Variants in UGT8 observed in about 807,000 individuals in gnomAD.
The protein encoded by UGT8 is UDP glycosyltransferase 8, also known as 2-hydroxyacylsphingosine 1-beta-galactosyltransferase.
In UGT8, 12 loss-of-function variants were observed where a neutral mutation model predicts 40.5. That is an observed-to-expected ratio of 0.30 (90% CI 0.19 to 0.48). The LOEUF (loss-of-function observed/expected upper bound fraction) is 0.48, where lower values mean the gene tolerates loss of function less well. Ranked by LOEUF, UGT8 falls within the 20% of genes least tolerant of loss-of-function variation. The pLI, the probability that UGT8 is intolerant of heterozygous loss-of-function variation, is 0.99. For missense variants in UGT8, 513 were observed against 648.7 expected, an observed-to-expected ratio of 0.79 and a Z score of 2.27; for synonymous variants, 224 against 240.4, an observed-to-expected ratio of 0.93 and a Z score of 0.63.
At chr4:114,646,795 TA>T (rs1234852876) in intron 2 of UGT8, among the ~76,000 whole-genome samples, 1 of 152,200 alleles carries the variant, frequency 6.6e-6, no homozygotes, top group African/African-American at 2.4e-5. Context: ...GAAATGACAA[TA>T]TTTTTTGTTT....
chr4:114,657,967 C>T (rs1222245109), intron 2 of UGT8, among the ~76,000 whole-genome samples: 1 of 152,104 alleles, frequency 6.6e-6, no homozygotes, highest in Non-Finnish European at 1.5e-5. Flanking sequence ...CCAAACAAAT[C>T]AGTGAAAACA....
At chr4:114,630,890 G>A (rs1337608953) in intron 2 of UGT8, among the ~76,000 whole-genome samples, 5 of 152,074 alleles carry the variant, frequency 3.3e-5, no homozygotes. Context: ...CCCCTCTTCT[G>A]CTGGCTCCAC....
chr4:114,660,524 GTGTAT>G (rs1734450042), intron 2 of UGT8, among the ~76,000 whole-genome samples: 1 of 152,008 alleles, frequency 6.6e-6, no homozygotes, highest in South Asian at 2.1e-4. Context: ...CCTTTATTAT[GTGTAT>G]TGTAATATTT....
intron 2 of UGT8, among the ~76,000 whole-genome samples, chr4:114,636,298 T>C (rs1348193622): frequency 6.6e-6 from 1 of 152,176 alleles, no homozygotes; most frequent in Non-Finnish European, 1.5e-5. Context: ...TTTGAGTACT[T>C]TTGTTATTCT....
intron 1 of UGT8, among the ~76,000 whole-genome samples, chr4:114,609,909 C>T (rs1057089587): frequency 2.6e-5 from 4 of 152,112 alleles, no homozygotes; most frequent in African/African-American, 9.7e-5. Context: ...AGAATTAATT[C>T]AGTCATTCAT....
At chr4:114,652,231 A>G (rs778592794) in intron 2 of UGT8, among the ~76,000 whole-genome samples, 2 of 152,020 alleles carry the variant, frequency 1.3e-5, no homozygotes, top group African/African-American at 4.8e-5. Context: ...ACTTCTAACA[A>G]AGGAAATCAG....
intron 2 of UGT8, among the ~76,000 whole-genome samples, chr4:114,645,081 A>G: frequency 6.6e-6 from 1 of 152,188 alleles, no homozygotes; most frequent in East Asian, 1.9e-4. Flanking sequence ...TGGAAAATAT[A>G]AGGAAACTTT....
chr4:114,630,093 AG>A (rs1039711291), intron 2 of UGT8, among the ~76,000 whole-genome samples: 4 of 152,218 alleles, frequency 2.6e-5, no homozygotes, highest in Non-Finnish European at 5.9e-5. Flanking sequence ...CTACTGCCAA[AG>A]GGTTTGTCAG....
intron 5 of UGT8, among the ~76,000 whole-genome samples, chr4:114,669,261 C>T (rs958193705): frequency 1.3e-5 from 2 of 152,136 alleles, no homozygotes; most frequent in Non-Finnish European, 2.9e-5. Flanking sequence ...GTGTCGGATA[C>T]AGCTCTGCCA....
At position 114,668,313 on chromosome 4, in the gene UGT8, T is replaced by A; in HGVS notation, c.1262+9T>A. On this transcript the variant is annotated intron_variant, in intron 5 of 5. Coordinates refer to ENST00000310836, the MANE Select transcript of UGT8 (RefSeq NM_001128174.3). ...GTTATCAATAATCCCAGGTAAGGTT[T>A]CAATTAACATTAAAGCTGATGAACT... The A allele has an allele frequency of 6.2e-7, 1 of 1,611,306 alleles. No homozygotes were observed. The highest frequency in any genetic ancestry group is 8.5e-7 in the Non-Finnish European group (1 of 1,177,754).
At chr4:114,650,107 A>G (rs774986414) in intron 2 of UGT8, among the ~76,000 whole-genome samples, 2 of 152,096 alleles carry the variant, frequency 1.3e-5, no homozygotes, top group African/African-American at 4.8e-5. Flanking sequence ...GTGTATTAGG[A>G]TCATTGATTC....
At chr4:114,656,961 T>G (rs992491715) in intron 2 of UGT8, 1 of 358,432 alleles carries the variant, frequency 2.8e-6, no homozygotes, top group Non-Finnish European at 5.3e-6. Flanking sequence ...TAGCAGCTGG[T>G]CATGGCTATC....
intron 2 of UGT8, among the ~76,000 whole-genome samples, chr4:114,649,252 C>T (rs1220708634): frequency 6.6e-6 from 1 of 152,096 alleles, no homozygotes; most frequent in Non-Finnish European, 1.5e-5. Context: ...CTCAAACCTG[C>T]ACACCACAGA....
chr4:114,623,399 A>T lies in UGT8; in HGVS notation c.519A>T (p.Pro173=). ...WYPAEVGAPA[P]LAYVPEFNSL... ...CTGCTGAAGTGGGTGCTCCTGCTCC[A>T]TTAGCATACGTCCCAGAGTTTAACT... Residue 173 remains proline, a synonymous_variant, in exon 2 of 6, where the codon CCA becomes CCT. Transcript: ENST00000310836. The T allele has an allele frequency of 6.2e-7, 1 of 1,614,224 alleles. No individual in the cohort carries two copies. Among genetic ancestry groups the T allele is most frequent in the Non-Finnish European group, 8.5e-7 (1 of 1,180,028 alleles).
At chr4:114,633,334 G>A (rs1173725906) in intron 2 of UGT8, among the ~76,000 whole-genome samples, 2 of 152,198 alleles carry the variant, frequency 1.3e-5, no homozygotes, top group African/African-American at 4.8e-5. Flanking sequence ...CCAAAAGAAT[G>A]CAGTGATAGA....
At chr4:114,635,087 A>G (rs1352341856) in intron 2 of UGT8, among the ~76,000 whole-genome samples, 1 of 151,860 alleles carries the variant, frequency 6.6e-6, no homozygotes, top group Non-Finnish European at 1.5e-5. Context: ...GACAAGTAAT[A>G]TTTGTTTTTT....
chr4:114,610,745 T>A (rs1730990172), intron 1 of UGT8, among the ~76,000 whole-genome samples: 1 of 152,168 alleles, frequency 6.6e-6, no homozygotes, highest in African/African-American at 2.4e-5. Flanking sequence ...AATAGGAAAA[T>A]ACCTAGAGTT....
intron 2 of UGT8, among the ~76,000 whole-genome samples, chr4:114,645,575 G>A (rs1431561175): frequency 2.0e-5 from 3 of 151,994 alleles, no homozygotes; most frequent in East Asian, 1.9e-4. Context: ...TGGTAACTGT[G>A]TACTAACATT....
At chr4:114,613,233 G>A (rs1346989564) in intron 1 of UGT8, among the ~76,000 whole-genome samples, 2 of 152,010 alleles carry the variant, frequency 1.3e-5, no homozygotes, top group Non-Finnish European at 2.9e-5. Flanking sequence ...TAACTGAAAA[G>A]ATAGTCTTAG....
Sources: allele counts gnomAD v4.1 joint callset (sites outside exome capture counted in the v4.1 genomes callset), GRCh38; gene constraint gnomAD v4.1.1; transcripts MANE v1.5; gene names NCBI Gene and HGNC (gene_info 2026-07-23, HGNC 2026-07-21).